The following FBXO40 variants were observed in gnomAD, a reference collection of about 807,000 sequenced individuals.
FBXO40 encodes F-box protein 40, also known as F-box only protein 40.
FBXO40 carries 50 observed loss-of-function variants against 49.9 expected under a neutral mutation model. The observed-to-expected ratio is 1.00, with a 90% confidence interval of 0.80 to 1.27. The LOEUF is 1.27. FBXO40 is among the 50% of genes most tolerant of loss of function. The pLI is 0.00. For missense variants in FBXO40, 895 were observed against 870.1 expected (o/e 1.03, Z -0.36); for synonymous variants, 340 against 320.2 (o/e 1.06, Z -0.66).
intron 1 of FBXO40, among the ~76,000 whole-genome samples, chr3:121,604,813 C>A (rs1012161267): frequency 6.6e-6 from 1 of 152,036 alleles, no homozygotes; most frequent in African/African-American, 2.4e-5. Context: ...TTGGCAATGA[C>A]CTCAACATGC....
Position 121,626,708 on chromosome 3 carries a change from G to A in FBXO40, c.1928G>A (p.Ser643Asn), listed in dbSNP as rs147110063. ...WRVHREIWQFSSLFSKIKSWE... is the reference protein window; with the variant it reads ...WRVHREIWQFNSLFSKIKSWE... ...CTTTCTCAACAGATCTGGCAGTTCA[G>A]CAGCCTCTTCTCCAAAATCAAGAGC... Residue 643 changes from serine (S) to asparagine (N), a missense_variant, in exon 4 of 4, where the codon AGC becomes AAC. Physicochemically the swap from Ser to Asn is conservative, Grantham distance 46. Coordinates refer to ENST00000338040, the MANE Select transcript of FBXO40 (RefSeq NM_016298.4). 6.5e-4 allele frequency: 1,051 copies of A among 1,613,992 alleles called. 1 individual carries two copies. Among genetic ancestry groups the A allele is most frequent in the Non-Finnish European group, 8.3e-4 (982 of 1,180,010 alleles).
chr3:121,626,851 G>C lies in FBXO40; in HGVS notation c.2071G>C (p.Ala691Pro). The change falls in exon 4 of 4, where the codon GCC becomes CCC. Residue 691 changes from alanine to proline, a missense_variant. Physicochemically the swap from Ala to Pro is conservative, Grantham distance 27. Coordinates refer to ENST00000338040, the MANE Select transcript of FBXO40 (RefSeq NM_016298.4). ...LTSMCQPREQARESLVSTFRI... is the reference protein window; with the variant it reads ...LTSMCQPREQPRESLVSTFRI... ...TAGCATGTGTCAGCCCCGTGAGCAG[G>C]CCCGAGAGAGCTTAGTCTCCACCTT... The C allele has an allele frequency of 6.2e-7, 1 of 1,614,114 alleles. No individual in the cohort carries two copies. Among genetic ancestry groups the C allele is most frequent in the African/African-American group, 1.3e-5 (1 of 75,014 alleles).
intron 1 of FBXO40, among the ~76,000 whole-genome samples, chr3:121,615,770 C>T (rs2048994422): frequency 6.6e-6 from 1 of 152,092 alleles, no homozygotes; most frequent in Admixed American, 6.5e-5. Flanking sequence ...GGGCACTCTG[C>T]AGGCTTGGTG....
In FBXO40 at chr3:121,621,726, G is replaced by A; in HGVS notation, c.297G>A (p.Trp99Ter). 3 of 1,614,208 alleles carry A rather than the reference G, an allele frequency of 1.9e-6. No homozygotes were observed. The highest frequency in any genetic ancestry group is 1.7e-6 in the Non-Finnish European group (2 of 1,180,038). ...PASVVCCSME[W>*]NRWPNVDSET... ...GCGTGGTCTGCTGCTCCATGGAGTG[G>A]AACCGCTGGCCAAATGTGGACTCTG... The change falls in exon 3 of 4, where the codon TGG becomes TGA. Residue 99 changes from tryptophan to a stop codon, truncating the protein, a stop_gained. Transcript: ENST00000338040. LOFTEE classifies it high-confidence loss of function.
chr3:121,615,862 T>C (rs538352182), intron 1 of FBXO40, among the ~76,000 whole-genome samples: 2 of 152,256 alleles, frequency 1.3e-5, no homozygotes, highest in South Asian at 4.1e-4. Context: ...AGACCATAAG[T>C]ATTAACCTTA....
chr3:121,621,512 A>G lies in FBXO40; in HGVS notation c.83A>G (p.Glu28Gly), dbSNP rs1005332275. 3 of 1,614,110 alleles carry G rather than the reference A, an allele frequency of 1.9e-6. No individual in the cohort carries two copies. In the African/African-American group the frequency reaches 4.0e-5, roughly 22 times the overall value. Residue 28 changes from glutamate to glycine, a missense_variant, in exon 3 of 4, where the codon GAA becomes GGA. Physicochemically the swap from Glu to Gly is moderately conservative, Grantham distance 98. Coordinates refer to ENST00000338040, the MANE Select transcript of FBXO40 (RefSeq NM_016298.4). ...CFNRHCHIPV[E>G]PNTSCLVISC... is the part of the protein sequence containing the mutation. ...AACCGCCACTGCCACATTCCTGTGG[A>G]ACCCAACACCTCCTGCCTGGTAATA...
At chr3:121,625,160 G>C (rs1576457055) in intron 3 of FBXO40, among the ~76,000 whole-genome samples, 2 of 152,168 alleles carry the variant, frequency 1.3e-5, no homozygotes, top group South Asian at 4.1e-4. Flanking sequence ...AGTAGGTCAT[G>C]TTTGTTTAAC....
At position 121,626,946 on chromosome 3, in the gene FBXO40, T is replaced by G; in HGVS notation, c.*36T>G. 6.2e-7 allele frequency: 1 copy of G among 1,600,168 alleles called. No individual in the cohort carries two copies. ...GCCACTCGATGCACCCTTCTTGGAT[T>G]TCTTCTCGGAGTTCCTGAAGTAGGA... On this transcript the variant is annotated 3_prime_UTR_variant, in exon 4 of 4. Coordinates refer to ENST00000338040, the MANE Select transcript of FBXO40 (RefSeq NM_016298.4).
At chr3:121,614,620 G>A (rs1029123264) in intron 1 of FBXO40, among the ~76,000 whole-genome samples, 2 of 152,062 alleles carry the variant, frequency 1.3e-5, no homozygotes, top group African/African-American at 4.8e-5. Flanking sequence ...ACATCTCATA[G>A]GGCCAAATCC....
chr3:121,620,552 G>T lies in FBXO40; in HGVS notation c.-24G>T. On this transcript the variant is annotated 5_prime_UTR_variant, in exon 2 of 4. Coordinates refer to ENST00000338040, the MANE Select transcript of FBXO40 (RefSeq NM_016298.4). ...TATTCATATTTTCCCGTAGAGCTAA[G>T]AAGCAAGAAGAAATTGGGGCGCCAT... The T allele has an allele frequency of 1.9e-6, 3 of 1,614,058 alleles. No homozygotes were observed. Among genetic ancestry groups the T allele is most frequent in the Non-Finnish European group, 2.5e-6 (3 of 1,179,960 alleles).
intron 1 of FBXO40, among the ~76,000 whole-genome samples, chr3:121,601,634 T>C (rs1475169477): frequency 6.6e-6 from 1 of 152,218 alleles, no homozygotes; most frequent in Non-Finnish European, 1.5e-5. Context: ...GAGTTCTCAC[T>C]GCACGCATAG....
chr3:121,596,098 C>T (rs1387113592), intron 1 of FBXO40, among the ~76,000 whole-genome samples: 1 of 152,168 alleles, frequency 6.6e-6, no homozygotes, highest in Non-Finnish European at 1.5e-5. Flanking sequence ...TTGCTTGAGT[C>T]AGTGATTTAA....
intron 1 of FBXO40, among the ~76,000 whole-genome samples, chr3:121,612,320 C>G (rs1485433017): frequency 6.6e-6 from 1 of 152,178 alleles, no homozygotes; most frequent in Non-Finnish European, 1.5e-5. Context: ...TGAAGCTAGG[C>G]TCTTTGGGGA....
Position 121,627,525 on chromosome 3 carries a change from C to T in FBXO40, c.*615C>T, listed in dbSNP as rs531320125. The T allele has an allele frequency of 2.2e-5, 5 of 223,664 alleles. No individual in the cohort carries two copies. In the East Asian group the frequency reaches 4.6e-4, roughly 21 times the overall value. The allele number at this position is 223,664 out of a possible 1,614,324, so 13.9% of individuals were successfully genotyped here. Reference sequence around the variant, plus strand: ...TGGCAGCCTTGAAGACACCACAGGCCAAAACATGAGGGGCAGAAATGGGAT... The same window carrying T: ...TGGCAGCCTTGAAGACACCACAGGCTAAAACATGAGGGGCAGAAATGGGAT... On this transcript the variant is annotated 3_prime_UTR_variant, in exon 4 of 4. Transcript: ENST00000338040.
intron 1 of FBXO40, among the ~76,000 whole-genome samples, chr3:121,617,882 C>T (rs12630499): frequency 0.085 from 12,877 of 152,050 alleles, 657 homozygotes; most frequent in East Asian, 0.11. Flanking sequence ...TGATTGTAAT[C>T]CCAGCTACTT....
At chr3:121,624,077 G>T (rs528765428) in intron 3 of FBXO40, among the ~76,000 whole-genome samples, 40 of 140,928 alleles carry the variant, frequency 2.8e-4, no homozygotes, top group African/African-American at 9.9e-4. Context: ...CGCAACCTCT[G>T]CCTCCCAGGT....
At chr3:121,599,656 A>T (rs2048890518) in intron 1 of FBXO40, among the ~76,000 whole-genome samples, 2 of 54,878 alleles carry the variant, frequency 3.6e-5, no homozygotes, top group South Asian at 6.6e-4. Flanking sequence ...TGTAGTGCAT[A>T]CACACACACA....
At chr3:121,617,666 GA>G in intron 1 of FBXO40, among the ~76,000 whole-genome samples, 1 of 151,796 alleles carries the variant, frequency 6.6e-6, no homozygotes, top group East Asian at 1.9e-4. Context: ...TAATACAGTA[GA>G]AAAATTATAA....
intron 1 of FBXO40, among the ~76,000 whole-genome samples, chr3:121,617,694 G>T (rs2049005999): frequency 6.6e-6 from 1 of 151,168 alleles, no homozygotes; most frequent in Non-Finnish European, 1.5e-5. Context: ...ATAATTTATT[G>T]TATATCTCAA....
Sources: allele counts gnomAD v4.1 joint callset (sites outside exome capture counted in the v4.1 genomes callset), GRCh38; gene constraint gnomAD v4.1.1; transcripts MANE v1.5; gene names NCBI Gene and HGNC (gene_info 2026-07-23, HGNC 2026-07-21).